ERBB4: variants seen among roughly 807,000 people sequenced by gnomAD.
The protein encoded by ERBB4 is erb-b2 receptor tyrosine kinase 4, also known as receptor tyrosine-protein kinase erbB-4.
In ERBB4, 42 loss-of-function variants were observed where a neutral mutation model predicts 158.0. The observed-to-expected ratio is 0.27, with a 90% CI of 0.21 to 0.34. The LOEUF is 0.34. Among genes scored for constraint, ERBB4 ranks in the 10% least tolerant of loss-of-function variants. The pLI is 1.00. For synonymous variants in ERBB4, 583 were observed against 558.7 expected (o/e 1.04, Z -0.61); for missense variants, 1,333 against 1,624.1 (o/e 0.82, Z 3.08).
chr2:211,733,609 AT>A lies in ERBB4; in HGVS notation c.623-8416del, dbSNP rs1285023652. 3.3e-5 allele frequency among the ~76,000 whole-genome samples: 5 copies of A among 151,582 alleles called. No individual in the cohort carries two copies. The East Asian group carries it at 9.6e-4, about 29-fold the overall frequency. On this transcript the variant is annotated intron_variant, in intron 5 of 27. Transcript: ENST00000342788. Reference sequence around the variant, plus strand: ...GAAATATGGAAAATTTGGTATTCAAATTTTTTAAATCACTGTGCATTATAAC... The same window carrying A: ...GAAATATGGAAAATTTGGTATTCAAATTTTTAAATCACTGTGCATTATAAC...
chr2:212,309,621 A>AT (rs1441746965), intron 1 of ERBB4, among the ~76,000 whole-genome samples: 10 of 150,710 alleles, frequency 6.6e-5, no homozygotes, highest in African/African-American at 2.4e-4. Context: ...TTAAATAGTA[A>AT]TTTTAAGATG....
intron 9 of ERBB4, among the ~76,000 whole-genome samples, chr2:211,706,722 G>A (rs2073458491): frequency 6.6e-6 from 1 of 151,956 alleles, no homozygotes; most frequent in African/African-American, 2.4e-5. Flanking sequence ...CTCAAATACT[G>A]GATATTGCTG....
At chr2:211,631,883 C>T (rs773387898) in intron 16 of ERBB4, among the ~76,000 whole-genome samples, 1 of 152,004 alleles carries the variant, frequency 6.6e-6, no homozygotes. Flanking sequence ...ACTTATACTA[C>T]ATTTTCTTAA....
chr2:211,673,100 T>C (rs2071906179), intron 14 of ERBB4, 64 bp downstream of exon 14: 1 of 1,215,990 alleles, frequency 8.2e-7, no homozygotes, highest in Non-Finnish European at 1.2e-6. Flanking sequence ...AATGATAAAA[T>C]AATAACAAAC....
chr2:211,435,713 T>C (rs1230430950), intron 20 of ERBB4, among the ~76,000 whole-genome samples: 1 of 152,154 alleles, frequency 6.6e-6, no homozygotes, highest in Non-Finnish European at 1.5e-5. Context: ...TAATGCCTGA[T>C]GGTTTGAGGT....
intron 19 of ERBB4, among the ~76,000 whole-genome samples, chr2:211,576,664 T>A (rs2067902264): frequency 6.6e-6 from 1 of 152,142 alleles, no homozygotes; most frequent in African/African-American, 2.4e-5. Context: ...AAAAGACATA[T>A]ATCCTACTCT....
intron 1 of ERBB4, among the ~76,000 whole-genome samples, chr2:212,327,725 T>C (rs2087920249): frequency 5.5e-5 from 2 of 36,434 alleles, no homozygotes; most frequent in African/African-American, 8.6e-5. Context: ...TTTTTCTTTT[T>C]TTCTTTTTTT....
At chr2:212,020,293 G>A (rs530108191) in intron 2 of ERBB4, among the ~76,000 whole-genome samples, 1 of 152,046 alleles carries the variant, frequency 6.6e-6, no homozygotes, top group South Asian at 2.1e-4. Context: ...GACTCAATAT[G>A]CTAGGACAAT....
At chr2:211,773,633 T>TATATTATATATATATA (rs2075788267) in intron 4 of ERBB4, among the ~76,000 whole-genome samples, 4 of 102,840 alleles carry the variant, frequency 3.9e-5, no homozygotes, top group African/African-American at 1.8e-4. Flanking sequence ...TATATATATA[T>TATATTATATATATATA]ATATATATAT....
chr2:212,315,398 T>C (rs1263629794), intron 1 of ERBB4, among the ~76,000 whole-genome samples: 2 of 151,398 alleles, frequency 1.3e-5, no homozygotes, highest in African/African-American at 2.4e-5. Flanking sequence ...TAGACACACA[T>C]ACACAAGTAT....
At chr2:211,515,896 T>TTATATATATATATATATATATATA (rs1206265176) in intron 20 of ERBB4, among the ~76,000 whole-genome samples, 32 of 88,924 alleles carry the variant, frequency 3.6e-4, no homozygotes, top group African/African-American at 5.2e-4. Flanking sequence ...AAAACATATA[T>TTATATATATATATATATATATATA]TATATATATA....
rs1559928545 is a variant in ERBB4 at position 212,286,600 on chromosome 2, T to TTTTTTTTTGTTTG, written c.83-161698_83-161697insCAAACAAAAAAAA. On this transcript the variant is annotated intron_variant, in intron 1 of 27. Coordinates refer to ENST00000342788, the MANE Select transcript of ERBB4 (RefSeq NM_005235.3). Reference sequence around the variant, plus strand: ...ATGATTACATAAGTGCTGACTTTTTTTTTTTTTTTTTTTTTTTTTTGACAC... The same window carrying TTTTTTTTTGTTTG: ...ATGATTACATAAGTGCTGACTTTTTTTTTTTTTTGTTTGTTTTTTTTTTTTTTTTTTTTGACAC... Among the ~76,000 whole-genome samples, 263 of 79,198 alleles carry TTTTTTTTTGTTTG rather than the reference T, an allele frequency of 3.3e-3. 4 individuals are homozygous for TTTTTTTTTGTTTG. The highest frequency in any genetic ancestry group is 0.019 in the African/African-American group (252 of 13,164). The allele number at this position is 79,198 out of a possible 152,430, so 52.0% of individuals were successfully genotyped here. A position where few individuals can be genotyped will look rare whatever the true frequency, so the allele number is the denominator to read the frequency against.
intron 1 of ERBB4, among the ~76,000 whole-genome samples, chr2:212,331,412 CTG>C (rs965864508): frequency 1.3e-5 from 2 of 151,622 alleles, no homozygotes; most frequent in African/African-American, 4.8e-5. Flanking sequence ...CAAACCAAAA[CTG>C]TACACACTCA....
At chr2:212,224,551 T>C (rs1559785367) in intron 1 of ERBB4, among the ~76,000 whole-genome samples, 1 of 152,022 alleles carries the variant, frequency 6.6e-6, no homozygotes, top group Non-Finnish European at 1.5e-5. Flanking sequence ...CTTACCCATT[T>C]ATTCTTCACA....
At chr2:211,385,933 T>C (rs1030929521) in intron 27 of ERBB4, among the ~76,000 whole-genome samples, 2 of 152,196 alleles carry the variant, frequency 1.3e-5, no homozygotes, top group Non-Finnish European at 2.9e-5. Flanking sequence ...TTTATATGTA[T>C]AGAAGTTTTA....
At chr2:211,443,656 T>C (rs1194238333) in intron 20 of ERBB4, among the ~76,000 whole-genome samples, 3 of 152,076 alleles carry the variant, frequency 2.0e-5, no homozygotes, top group Admixed American at 1.3e-4. Context: ...AATGCAGGAA[T>C]GAAGAGTGAT....
At chr2:212,208,170 G>C (rs1315084564) in intron 1 of ERBB4, among the ~76,000 whole-genome samples, 1 of 152,064 alleles carries the variant, frequency 6.6e-6, no homozygotes, top group Non-Finnish European at 1.5e-5. Context: ...ACTAATTGAG[G>C]ATTAGTCGCT....
intron 20 of ERBB4, among the ~76,000 whole-genome samples, chr2:211,547,492 T>C (rs1301855812): frequency 6.6e-6 from 1 of 152,064 alleles, no homozygotes; most frequent in Non-Finnish European, 1.5e-5. Flanking sequence ...TGAAAGATCA[T>C]AAATATATAT....
At chr2:212,258,630 T>A (rs2084826932) in intron 1 of ERBB4, among the ~76,000 whole-genome samples, 1 of 148,148 alleles carries the variant, frequency 6.8e-6, no homozygotes, top group African/African-American at 2.4e-5. Context: ...ATAATATATA[T>A]AATAATATAT....
Sources: gnomAD v4.1 joint callset for allele counts (sites outside exome capture counted in the v4.1 genomes callset) on GRCh38, gnomAD v4.1.1 for gene constraint, MANE v1.5 for transcripts, NCBI Gene and HGNC (gene_info 2026-07-23, HGNC 2026-07-21) for gene names.